Variants in PSMA1 observed in about 807,000 individuals in gnomAD.
PSMA1 encodes the protein proteasome subunit alpha type-1.
Under a neutral mutation model 38.4 loss-of-function variants are expected in PSMA1, and 3 were observed. The ratio of observed to expected loss-of-function variants is 0.08; its 90% CI spans 0.04 to 0.20. The LOEUF is 0.20. Among genes scored for constraint, PSMA1 ranks in the 10% least tolerant of loss-of-function variants. The pLI, the probability that PSMA1 is intolerant of heterozygous loss-of-function variation, is 1.00. For synonymous variants in PSMA1, 101 were observed against 107.1 expected, an observed-to-expected ratio of 0.94 and a Z score of 0.35; for missense variants, 227 against 325.3, an observed-to-expected ratio of 0.70 and a Z score of 2.32.
At chr11:14,505,501 C>T (rs1233181007) in intron 9 of PSMA1, among the ~76,000 whole-genome samples, 1 of 152,028 alleles carries the variant, frequency 6.6e-6, no homozygotes, top group Admixed American at 6.6e-5. Flanking sequence ...AAGGTTTAAA[C>T]AGTGAGGGTC....
chr11:14,612,036 T>C (rs1465355259), intron 1 of PSMA1, among the ~76,000 whole-genome samples: 1 of 152,208 alleles, frequency 6.6e-6, no homozygotes, highest in East Asian at 1.9e-4. Flanking sequence ...AAATTGTAAG[T>C]GCATCTCTAA....
At chr11:14,558,846 C>T (rs747466445) in intron 2 of PSMA1, among the ~76,000 whole-genome samples, 2 of 152,194 alleles carry the variant, frequency 1.3e-5, no homozygotes, top group Non-Finnish European at 2.9e-5. Context: ...GAACATTCCA[C>T]ATTACTACAC....
chr11:14,636,282 C>A (rs894810616), intron 1 of PSMA1, among the ~76,000 whole-genome samples: 1 of 152,132 alleles, frequency 6.6e-6, no homozygotes, highest in Non-Finnish European at 1.5e-5. Flanking sequence ...TCATTGACAC[C>A]CGTGGTTACT....
chr11:14,588,883 T>C (rs1201150779), intron 2 of PSMA1, among the ~76,000 whole-genome samples: 1 of 152,234 alleles, frequency 6.6e-6, no homozygotes, highest in African/African-American at 2.4e-5. Flanking sequence ...GCCCTGGTTC[T>C]GACTCAAGGC....
intron 1 of PSMA1, among the ~76,000 whole-genome samples, chr11:14,617,704 T>G (rs945995188): frequency 3.6e-4 from 54 of 151,226 alleles, no homozygotes; most frequent in Admixed American, 1.1e-3. Context: ...TATATGTGTG[T>G]GTGTGTGTGT....
intron 2 of PSMA1, among the ~76,000 whole-genome samples, chr11:14,552,690 C>G (rs1160429452): frequency 1.3e-5 from 2 of 152,038 alleles, no homozygotes; most frequent in East Asian, 3.9e-4. Context: ...AAGAGCAAAA[C>G]TTGATGAATT....
At chr11:14,638,254 G>C (rs373697548) in intron 1 of PSMA1, among the ~76,000 whole-genome samples, 6 of 152,008 alleles carry the variant, frequency 3.9e-5, no homozygotes, top group South Asian at 2.1e-4. Context: ...CTGTGCTGCT[G>C]TGCGCAGCTT....
chr11:14,597,602 A>AT (rs1328421828), intron 2 of PSMA1, among the ~76,000 whole-genome samples: 2 of 152,032 alleles, frequency 1.3e-5, no homozygotes, highest in Non-Finnish European at 2.9e-5. Context: ...CCCCTTTATC[A>AT]TTTTTTATTG....
chr11:14,510,856 A>T lies in PSMA1; in HGVS notation c.624+16T>A. On this transcript the variant is annotated intron_variant, in intron 8 of 9. Coordinates refer to ENST00000396394, the MANE Select transcript of PSMA1 (RefSeq NM_002786.4). ...CTGTAACGTTAATATCTACAATTGG[A>T]AAAGACAATACTTACCTTTGTAGTC... The T allele has an allele frequency of 6.4e-7, 1 of 1,563,890 alleles. No homozygotes were observed. The highest frequency in any genetic ancestry group is 2.3e-5 in the East Asian group (1 of 43,862).
At chr11:14,633,660 C>T (rs1590018003) in intron 1 of PSMA1, among the ~76,000 whole-genome samples, 3 of 152,328 alleles carry the variant, frequency 2.0e-5, no homozygotes, top group African/African-American at 4.8e-5. Flanking sequence ...CTGTGGTGGG[C>T]TCCACCCAGT....
chr11:14,521,721 G>C (rs1461036414), upstream of PSMA1, among the ~76,000 whole-genome samples: 1 of 145,862 alleles, frequency 6.9e-6, no homozygotes, highest in Non-Finnish European at 1.5e-5. Flanking sequence ...AGCTGAGATC[G>C]TGCCACTGCA....
intron 1 of PSMA1, among the ~76,000 whole-genome samples, chr11:14,640,223 C>T (rs1853181890): frequency 6.6e-6 from 1 of 151,958 alleles, no homozygotes; most frequent in Non-Finnish European, 1.5e-5. Context: ...AGACAGCCAT[C>T]TGGACAGATG....
rs1000900665 is a variant in PSMA1 at position 14,600,503 on chromosome 11, C to T, written c.21+10463G>A. Among the ~76,000 whole-genome samples the T allele has an allele frequency of 3.9e-5, 6 of 152,124 alleles. No homozygotes were observed. The East Asian group carries it at 1.2e-3, about 29-fold the overall frequency. On this transcript the variant is annotated intron_variant, in intron 2 of 10. Coordinates refer to the PSMA1 transcript ENST00000418988. ...TGTCTCGCAGATCAATCTCAGACTG[C>T]TGAGCTAGCAGTGAGCAAGGCTCTG...
chr11:14,510,367 T>C (rs1175423854), intron 8 of PSMA1, among the ~76,000 whole-genome samples: 1 of 152,234 alleles, frequency 6.6e-6, no homozygotes, highest in East Asian at 1.9e-4. Context: ...ACCACCTATT[T>C]TAAATTACAC....
chr11:14,505,594 T>A (rs1851232788), intron 9 of PSMA1, among the ~76,000 whole-genome samples: 1 of 151,862 alleles, frequency 6.6e-6, no homozygotes, highest in East Asian at 1.9e-4. Flanking sequence ...GAAGCTTTTT[T>A]TTGTTTGTTT....
chr11:14,574,364 A>G (rs1234021455), intron 2 of PSMA1, among the ~76,000 whole-genome samples: 1 of 152,190 alleles, frequency 6.6e-6, no homozygotes, highest in African/African-American at 2.4e-5. Flanking sequence ...AAAGTTACCC[A>G]GGTACTTGGG....
intron 1 of PSMA1, among the ~76,000 whole-genome samples, chr11:14,617,674 C>T (rs11023275): frequency 1.4e-5 from 2 of 146,118 alleles, no homozygotes; most frequent in African/African-American, 5.2e-5. Flanking sequence ...TATATATATA[C>T]ATATATATAC....
At chr11:14,608,524 A>G (rs1380328444) in intron 2 of PSMA1, among the ~76,000 whole-genome samples, 1 of 150,598 alleles carries the variant, frequency 6.6e-6, no homozygotes, top group Non-Finnish European at 1.5e-5. Context: ...AACAAACCTG[A>G]ACGTTGTGCA....
At chr11:14,620,945 T>C (rs1852836345) in intron 1 of PSMA1, among the ~76,000 whole-genome samples, 1 of 152,236 alleles carries the variant, frequency 6.6e-6, no homozygotes, top group African/African-American at 2.4e-5. Flanking sequence ...ATAGCAGCTT[T>C]AAGGCCTCTC....
Sources: allele counts gnomAD v4.1 joint callset (sites outside exome capture counted in the v4.1 genomes callset), GRCh38; gene constraint gnomAD v4.1.1; transcripts MANE v1.5; gene names NCBI Gene and HGNC (gene_info 2026-07-23, HGNC 2026-07-21).